VAT1L: variants seen among roughly 807,000 people sequenced by gnomAD.
The protein encoded by VAT1L is putative NADPH-dependent quinone oxidoreductase VAT1L.
A neutral mutation model predicts 44.1 loss-of-function variants in VAT1L; 34 were observed. The ratio of observed to expected loss-of-function variants is 0.77; its 90% CI spans 0.59 to 1.03. VAT1L has a LOEUF of 1.03. Among genes scored for constraint, VAT1L ranks in the 50% least tolerant of loss-of-function variants. The pLI is 0.00. For synonymous variants in VAT1L, 253 were observed against 202.2 expected (o/e 1.25, Z -2.13); for missense variants, 615 against 538.8 (o/e 1.14, Z -1.40).
intron 4 of VAT1L, among the ~76,000 whole-genome samples, chr16:77,867,491 G>C (rs538434297): frequency 6.6e-6 from 1 of 151,134 alleles, no homozygotes; most frequent in South Asian, 2.1e-4. Flanking sequence ...CATTCATGTA[G>C]AGATGCTTCT....
intron 3 of VAT1L, among the ~76,000 whole-genome samples, chr16:77,844,504 G>C (rs1296956000): frequency 6.6e-6 from 1 of 152,116 alleles, no homozygotes; most frequent in Non-Finnish European, 1.5e-5. Context: ...CGCCTCCCAG[G>C]TTCAAGTGAT....
rs935742819 is a variant in VAT1L, at chr16:77,921,572, T to C, written c.1077+36770T>C. On this transcript the variant is annotated intron_variant, in intron 7 of 8. Coordinates refer to ENST00000302536, the MANE Select transcript of VAT1L (RefSeq NM_020927.3). ...AGATATGCACTCTCCTGTAAACCTA[T>C]GCAGGACCTTTCGTATCTATTTTAT... Among the ~76,000 whole-genome samples, 6 of 152,324 alleles carry C rather than the reference T, an allele frequency of 3.9e-5. No individual in the cohort carries two copies. In the South Asian group the frequency reaches 1.2e-3, roughly 32 times the overall value.
intron 8 of VAT1L, among the ~76,000 whole-genome samples, chr16:77,974,460 G>T (rs2018313957): frequency 6.6e-6 from 1 of 152,198 alleles, no homozygotes; most frequent in Non-Finnish European, 1.5e-5. Flanking sequence ...CTTACCAAGG[G>T]AGGATTCTTA....
chr16:77,844,345 G>T (rs2016736956), intron 3 of VAT1L, among the ~76,000 whole-genome samples: 2 of 152,090 alleles, frequency 1.3e-5, no homozygotes, highest in African/African-American at 4.8e-5. Flanking sequence ...ATCTAGAGAT[G>T]ATTTAAAGTA....
At chr16:77,830,608 G>A (rs2016568722) in intron 3 of VAT1L, among the ~76,000 whole-genome samples, 1 of 152,186 alleles carries the variant, frequency 6.6e-6, no homozygotes, top group Non-Finnish European at 1.5e-5. Context: ...TGTAAGACAT[G>A]ACTTTGGTCC....
intron 1 of VAT1L, among the ~76,000 whole-genome samples, chr16:77,803,602 G>A (rs757329521): frequency 1.9e-4 from 29 of 151,830 alleles, no homozygotes; most frequent in Non-Finnish European, 3.5e-4. Flanking sequence ...TGTATTTTTA[G>A]TAGAGACGGG....
intron 7 of VAT1L, among the ~76,000 whole-genome samples, chr16:77,939,011 T>G (rs2017841123): frequency 1.3e-5 from 2 of 152,166 alleles, no homozygotes; most frequent in Non-Finnish European, 2.9e-5. Flanking sequence ...AAACCTTTCC[T>G]GCCTGCATCA....
chr16:77,968,850 G>T (rs1053536767), intron 7 of VAT1L, among the ~76,000 whole-genome samples: 1 of 151,762 alleles, frequency 6.6e-6, no homozygotes, highest in Admixed American at 6.6e-5. Flanking sequence ...AGACAGTCTC[G>T]CTCTGTTGCC....
At chr16:77,797,979 GA>G (rs1173976972) in intron 1 of VAT1L, among the ~76,000 whole-genome samples, 2 of 151,944 alleles carry the variant, frequency 1.3e-5, no homozygotes, top group African/African-American at 2.4e-5. Context: ...ATGTTCCAGT[GA>G]AAGAAGCTGT....
intron 3 of VAT1L, among the ~76,000 whole-genome samples, chr16:77,834,503 C>G (rs1410153198): frequency 6.6e-6 from 1 of 152,138 alleles, no homozygotes; most frequent in Non-Finnish European, 1.5e-5. Context: ...GTGAGATCCT[C>G]TATGATCTCT....
At chr16:77,793,843 T>C (rs976710402) in intron 1 of VAT1L, among the ~76,000 whole-genome samples, 1 of 152,132 alleles carries the variant, frequency 6.6e-6, no homozygotes, top group African/African-American at 2.4e-5. Flanking sequence ...CACGAGGGTA[T>C]AGTAAATTGG....
chr16:77,805,422 C>G (rs1344432135), intron 1 of VAT1L, among the ~76,000 whole-genome samples: 1 of 152,176 alleles, frequency 6.6e-6, no homozygotes, highest in African/African-American at 2.4e-5. Flanking sequence ...AAAACAAAAG[C>G]TTCAGTTCTG....
Position 77,925,933 on chromosome 16 carries a change from A to C in VAT1L, c.1077+41131A>C, listed in dbSNP as rs1832462804. On this transcript the variant is annotated intron_variant, in intron 7 of 8. Transcript: ENST00000302536. ...CTTGAGTGATCAATGGCATGTATGC[A>C]TTTGATCCTTTACTGCTGATAATCT... Among the ~76,000 whole-genome samples, 3 of 152,098 alleles carry C rather than the reference A, an allele frequency of 2.0e-5. No individual in the cohort carries two copies. The South Asian group carries it at 6.2e-4, about 32-fold the overall frequency.
intron 7 of VAT1L, among the ~76,000 whole-genome samples, chr16:77,916,096 G>T (rs1000137835): frequency 6.6e-6 from 1 of 152,218 alleles, no homozygotes; most frequent in East Asian, 1.9e-4. Flanking sequence ...GGCAGCATCA[G>T]CAAGAGAAAG....
At chr16:77,940,832 A>C (rs1323714328) in intron 7 of VAT1L, among the ~76,000 whole-genome samples, 1 of 152,164 alleles carries the variant, frequency 6.6e-6, no homozygotes, top group Non-Finnish European at 1.5e-5. Flanking sequence ...TGGGACATGG[A>C]ATAGCCTTAC....
chr16:77,962,890 G>T (rs1234297025), intron 7 of VAT1L, among the ~76,000 whole-genome samples: 1 of 152,164 alleles, frequency 6.6e-6, no homozygotes, highest in East Asian at 1.9e-4. Context: ...AGGCTGCAGT[G>T]GGTTGTGATC....
intron 1 of VAT1L, among the ~76,000 whole-genome samples, chr16:77,790,351 C>T (rs750868875): frequency 2.0e-5 from 3 of 152,090 alleles, no homozygotes; most frequent in Non-Finnish European, 4.4e-5. Context: ...TTGTTTGATC[C>T]CAGAAGGAGA....
At chr16:77,877,421 G>T (rs1236734133) in intron 5 of VAT1L, among the ~76,000 whole-genome samples, 1 of 148,606 alleles carries the variant, frequency 6.7e-6, no homozygotes, top group Non-Finnish European at 1.5e-5. Flanking sequence ...GAGGCAGCAG[G>T]AGAATGGCAT....
At chr16:77,937,382 G>C (rs1219259708) in intron 7 of VAT1L, among the ~76,000 whole-genome samples, 1 of 152,188 alleles carries the variant, frequency 6.6e-6, no homozygotes, top group Non-Finnish European at 1.5e-5. Context: ...TTGCAAGAGA[G>C]CCTGTGCTCC....
Sources: allele counts gnomAD v4.1 joint callset (sites outside exome capture counted in the v4.1 genomes callset), GRCh38; gene constraint gnomAD v4.1.1; transcripts MANE v1.5; gene names NCBI Gene and HGNC (gene_info 2026-07-23, HGNC 2026-07-21).